TUBGCP3: variants seen among roughly 807,000 people sequenced by gnomAD.
The protein encoded by TUBGCP3 is gamma-tubulin complex component 3.
TUBGCP3 carries 50 observed loss-of-function variants against 123.1 expected under a neutral mutation model. The ratio of observed to expected loss-of-function variants is 0.41; its 90% CI spans 0.32 to 0.51. The LOEUF (loss-of-function observed/expected upper bound fraction) is 0.51, where lower values mean the gene tolerates loss of function less well. Among genes scored for constraint, TUBGCP3 ranks in the 20% least tolerant of loss-of-function variants. The pLI is 0.36. For missense variants in TUBGCP3, 882 were observed against 1,127.0 expected, an observed-to-expected ratio of 0.78 and a Z score of 3.11; for synonymous variants, 405 against 413.9, an observed-to-expected ratio of 0.98 and a Z score of 0.26.
rs200179184 is a variant in TUBGCP3 at position 112,498,088 on chromosome 13, C to CACAT, written c.2448+956_2448+957insATGT. Among the ~76,000 whole-genome samples the CACAT allele has an allele frequency of 9.2e-3, 1,401 of 152,242 alleles. 17 individuals carry two copies. Among genetic ancestry groups the CACAT allele is most frequent in the African/African-American group, 0.032 (1,333 of 41,518 alleles). ...CACACATATATGCAAAGCACACACA[C>CACAT]AAACACATACACATGCATATATACC... On this transcript the variant is annotated intron_variant, in intron 20 of 21. Transcript: ENST00000261965.
chr13:112,541,845 C>T (rs892834528), intron 11 of TUBGCP3, among the ~76,000 whole-genome samples: 8 of 152,124 alleles, frequency 5.3e-5, no homozygotes, highest in African/African-American at 1.9e-4. Context: ...AAGTTGAAAT[C>T]GCCCAAATTC....
intron 19 of TUBGCP3, among the ~76,000 whole-genome samples, chr13:112,503,304 AC>A (rs1424731700): frequency 6.6e-6 from 1 of 152,192 alleles, no homozygotes; most frequent in African/African-American, 2.4e-5. Context: ...CAGAACATGG[AC>A]CCTAAGGGAA....
the TUBGCP3 span, among the ~76,000 whole-genome samples, chr13:112,594,364 G>GAA: frequency 6.6e-6 from 1 of 152,058 alleles, no homozygotes; most frequent in Non-Finnish European, 1.5e-5. Context: ...TAGAATAAAA[G>GAA]AAAAAATCCA....
chr13:112,516,685 G>T, intron 16 of TUBGCP3, 110 bp from the exon 17 acceptor site: 1 of 1,297,158 alleles, frequency 7.7e-7, no homozygotes, highest in Non-Finnish European at 1.0e-6. Flanking sequence ...ATCATAATAG[G>T]CAGCATGCTA....
At chr13:112,544,634 C>G (rs1043150993) in intron 11 of TUBGCP3, 1 of 152,030 alleles carries the variant, frequency 6.6e-6, no homozygotes, top group African/African-American at 2.4e-5. Context: ...AGGACAGTAG[C>G]TAGATAAAAA....
intron 13 of TUBGCP3, 58 bp downstream of exon 13, chr13:112,526,884 A>ACAT: frequency 5.6e-6 from 7 of 1,256,376 alleles, no homozygotes; most frequent in Non-Finnish European, 8.1e-6. Flanking sequence ...CACCATCCTC[A>ACAT]CATCATCATC....
At chr13:112,594,503 GCTAT>G in the TUBGCP3 span, among the ~76,000 whole-genome samples, 1 of 152,140 alleles carries the variant, frequency 6.6e-6, no homozygotes, top group East Asian at 1.9e-4. Flanking sequence ...TAAACCTGCA[GCTAT>G]CTAAGTTTCA....
intron 13 of TUBGCP3, among the ~76,000 whole-genome samples, 153 bp from the exon 14 acceptor site, chr13:112,522,662 C>A (rs567396421): frequency 1.3e-5 from 2 of 152,314 alleles, no homozygotes; most frequent in South Asian, 2.1e-4. Context: ...GGACATTCCA[C>A]AAAGGAGACC....
At position 112,545,667 on chromosome 13, in the gene TUBGCP3, T is replaced by C. The variant is rs1416218098; in HGVS notation, c.1335+32A>G. 1 of 1,599,170 alleles carries C rather than the reference T, an allele frequency of 6.3e-7. No homozygotes were observed. Among genetic ancestry groups the C allele is most frequent in the Admixed American group, 1.7e-5 (1 of 59,832 alleles). On this transcript the variant is annotated intron_variant, in intron 11 of 21. Coordinates refer to ENST00000261965, the MANE Select transcript of TUBGCP3 (RefSeq NM_006322.6). This position sits in a 1 kb window ranked among gnomAD's most constrained non-coding sequence, Gnocchi z 4.1. Reference sequence around the variant, plus strand: ...TAACTGCGTGCCCATGCTTTTTAAATCCAAGTCTCAGAACCGAACACCGAT... The same window carrying C: ...TAACTGCGTGCCCATGCTTTTTAAACCCAAGTCTCAGAACCGAACACCGAT...
intron 6 of TUBGCP3, 122 bp downstream of exon 6, chr13:112,555,930 T>C (rs976960710): frequency 3.6e-5 from 42 of 1,168,752 alleles, no homozygotes; most frequent in Non-Finnish European, 4.6e-5. Context: ...GACTTCATCA[T>C]AAGAACAAGA....
At chr13:112,546,533 G>C (rs577403970) in intron 10 of TUBGCP3, 10 of 152,520 alleles carry the variant, frequency 6.6e-5, no homozygotes, top group African/African-American at 2.2e-4. Context: ...TTTAGGGAGA[G>C]GAGTGACAGG....
At chr13:112,504,880 T>C (rs1045317308) in intron 17 of TUBGCP3, among the ~76,000 whole-genome samples, 166 bp from the exon 18 acceptor site, 1 of 152,180 alleles carries the variant, frequency 6.6e-6, no homozygotes, top group Non-Finnish European at 1.5e-5. Flanking sequence ...TCTGTGCAGG[T>C]CAAGCTAAAC....
chr13:112,527,414 G>A lies in TUBGCP3; in HGVS notation c.1406C>T (p.Ser469Leu), dbSNP rs368717818. The A allele has an allele frequency of 3.8e-6, 6 of 1,597,220 alleles. No individual in the cohort carries two copies. The highest frequency in any genetic ancestry group is 2.2e-5 in the East Asian group (1 of 44,748). The change falls in exon 12 of 22, where the codon TCG becomes TTG. Residue 469 changes from serine (S) to leucine (L), a missense_variant. Physicochemically the swap from Ser to Leu is moderately radical, Grantham distance 145 (BLOSUM62 -2). Transcript: ENST00000261965. ...LWHDKYTLRK[S>L]MIPSFMTMDQ... ...CATCGTCATAAACGAAGGAATCATC[G>A]ATTTCCTCAAAGTATACTTGTCGTG...
At chr13:112,538,282 A>G (rs77339730) in intron 11 of TUBGCP3, among the ~76,000 whole-genome samples, 1 of 152,224 alleles carries the variant, frequency 6.6e-6, no homozygotes, top group East Asian at 1.9e-4. Flanking sequence ...GATGCTGAAC[A>G]TAAGTATAAT....
At chr13:112,575,133 T>C (rs1881708012) in intron 1 of TUBGCP3, among the ~76,000 whole-genome samples, 1 of 152,072 alleles carries the variant, frequency 6.6e-6, no homozygotes, top group East Asian at 1.9e-4. Context: ...AGGAAATGTG[T>C]TGGGAACCAG....
intron 14 of TUBGCP3, 26 bp from the exon 15 acceptor site, chr13:112,520,047 G>T (rs766933914): frequency 1.3e-6 from 2 of 1,595,842 alleles, no homozygotes; most frequent in Non-Finnish European, 1.7e-6. Context: ...AAAAATTAAA[G>T]AAAATATTAC....
chr13:112,530,129 G>C (rs932721022), intron 11 of TUBGCP3, among the ~76,000 whole-genome samples: 3 of 152,168 alleles, frequency 2.0e-5, no homozygotes, highest in African/African-American at 7.2e-5. Flanking sequence ...TTGATTTCAT[G>C]AAACTGGCAT....
intron 20 of TUBGCP3, among the ~76,000 whole-genome samples, chr13:112,490,205 A>G (rs1879984211): frequency 6.6e-6 from 1 of 152,244 alleles, no homozygotes; most frequent in African/African-American, 2.4e-5. Context: ...ATTTTCAATC[A>G]ATGATGAATT....
intron 2 of TUBGCP3, 28 bp from the exon 3 acceptor site, chr13:112,565,206 G>C: frequency 3.1e-6 from 5 of 1,597,826 alleles, no homozygotes; most frequent in Non-Finnish European, 4.3e-6. Context: ...AAATAAGTGT[G>C]GTAACTACAA....
Sources: allele counts gnomAD v4.1 joint callset (sites outside exome capture counted in the v4.1 genomes callset), GRCh38; gene constraint gnomAD v4.1.1; non-coding constraint Gnocchi (gnomAD v3.1); transcripts MANE v1.5; gene names NCBI Gene and HGNC (gene_info 2026-07-23, HGNC 2026-07-21).